PRKCA: variants seen among roughly 807,000 people sequenced by gnomAD.
The protein encoded by PRKCA is protein kinase C alpha type.
A neutral mutation model predicts 87.0 loss-of-function variants in PRKCA; 27 were observed. The observed-to-expected ratio is 0.31, with a 90% CI of 0.23 to 0.43. PRKCA has a LOEUF of 0.43. Among genes scored for constraint, PRKCA ranks in the 20% least tolerant of loss-of-function variants. The pLI, the probability that PRKCA is intolerant of heterozygous loss-of-function variation, is 1.00. For missense variants in PRKCA, 518 were observed against 852.3 expected (o/e 0.61, Z 4.88); for synonymous variants, 329 against 311.1 (o/e 1.06, Z -0.61).
chr17:66,805,969 A>T lies in PRKCA; in HGVS notation c.*1932A>T, dbSNP rs1427830138. The T allele has an allele frequency of 1.3e-5, 2 of 152,254 alleles. No individual in the cohort carries two copies. The highest frequency in any genetic ancestry group is 2.9e-5 in the Non-Finnish European group (2 of 68,062). 9.4% of individuals were successfully genotyped at this position (152,254 alleles called of 1,614,324 possible). A position where few individuals can be genotyped will look rare whatever the true frequency, so the allele number is the denominator to read the frequency against. ...CTCCAGCATGCACAAACTTCGTGAG[A>T]CCAACACAGCCGTGCCCTGCAGGCA... On this transcript the variant is annotated 3_prime_UTR_variant, in exon 17 of 17. Transcript: ENST00000413366.
chr17:66,540,285 G>C (rs745313019), intron 3 of PRKCA, among the ~76,000 whole-genome samples: 1 of 152,218 alleles, frequency 6.6e-6, no homozygotes, highest in Non-Finnish European at 1.5e-5. Context: ...GAGACAAAGG[G>C]TAACATTCAG....
In PRKCA at chr17:66,727,345, G is replaced by T. The variant is rs553591988; in HGVS notation, c.919-5343G>T. ...CTTTAAGGGGTGGGATATTCCTGAA[G>T]ATTCCCAGAAAAAGGTGGAGATTTC... is the stretch of plus-strand genomic sequence containing the variant. On this transcript the variant is annotated intron_variant, in intron 8 of 16. Coordinates refer to ENST00000413366, the MANE Select transcript of PRKCA (RefSeq NM_002737.3). Among the ~76,000 whole-genome samples the T allele has an allele frequency of 2.3e-4, 35 of 152,248 alleles. No individual in the cohort carries two copies. The South Asian group carries it at 5.0e-3, about 22-fold the overall frequency.
intron 1 of PRKCA, among the ~76,000 whole-genome samples, chr17:66,304,508 G>A (rs530640618): frequency 6.6e-6 from 1 of 152,146 alleles, no homozygotes; most frequent in Non-Finnish European, 1.5e-5. Flanking sequence ...AGGCCAGGGG[G>A]AGCTGCACAG....
chr17:66,383,636 T>A (rs1598628987), intron 2 of PRKCA, among the ~76,000 whole-genome samples: 1 of 152,196 alleles, frequency 6.6e-6, no homozygotes, highest in African/African-American at 2.4e-5. Flanking sequence ...TTCAACTTTC[T>A]TGGAGTACTT....
At chr17:66,426,638 T>A (rs1912823786) in intron 2 of PRKCA, among the ~76,000 whole-genome samples, 1 of 152,222 alleles carries the variant, frequency 6.6e-6, no homozygotes, top group African/African-American at 2.4e-5. Context: ...TTTGTTCAAC[T>A]GTCCAACCCT....
chr17:66,615,883 G>A (rs1331152619), intron 3 of PRKCA, among the ~76,000 whole-genome samples: 1 of 152,186 alleles, frequency 6.6e-6, no homozygotes, highest in Non-Finnish European at 1.5e-5. Context: ...AATCCCCCCA[G>A]CTCCCTTGCT....
chr17:66,462,925 AACAC>A (rs58085398), intron 2 of PRKCA, among the ~76,000 whole-genome samples: 7,720 of 147,542 alleles, frequency 0.052, 234 homozygotes, highest in Non-Finnish European at 0.06. Flanking sequence ...CACACATGCA[AACAC>A]ACACACACAC....
At chr17:66,361,764 G>T (rs892676043) in intron 2 of PRKCA, among the ~76,000 whole-genome samples, 1 of 152,212 alleles carries the variant, frequency 6.6e-6, no homozygotes. Context: ...AAGTAAATCA[G>T]ATGTACTTGT....
rs1474229305 is a variant in PRKCA at position 66,781,864 on chromosome 17, G to GATATATAT, written c.1606-5002_1606-5001insTATATATA. Among the ~76,000 whole-genome samples the GATATATAT allele has an allele frequency of 2.0e-4, 24 of 117,366 alleles. 1 individual carries two copies. Among genetic ancestry groups the GATATATAT allele is most frequent in the East Asian group, 7.1e-4 (3 of 4,230 alleles). 77.0% of individuals were successfully genotyped at this position (117,366 alleles called of 152,430 possible). A position where few individuals can be genotyped will look rare whatever the true frequency, so the allele number is the denominator to read the frequency against. On this transcript the variant is annotated intron_variant, in intron 14 of 16. Coordinates refer to ENST00000413366, the MANE Select transcript of PRKCA (RefSeq NM_002737.3). ...GTAAATTTTGTGAGAGAGAGAGAGAGAGAGATATATATATATATATATAGT... is the reference window on the plus strand; with the variant it reads ...GTAAATTTTGTGAGAGAGAGAGAGAGATATATATAGAGATATATATATATATATATAGT...
chr17:66,611,159 A>G (rs1329646238), intron 3 of PRKCA, among the ~76,000 whole-genome samples: 21 of 152,120 alleles, frequency 1.4e-4, no homozygotes, highest in Admixed American at 1.4e-3. Context: ...ATATCCCAGT[A>G]TTGCTTTATT....
intron 3 of PRKCA, among the ~76,000 whole-genome samples, chr17:66,611,628 A>G (rs1970367359): frequency 6.6e-6 from 1 of 152,220 alleles, no homozygotes; most frequent in Admixed American, 6.5e-5. Context: ...GCTATTGTGA[A>G]TAATTCTGCC....
chr17:66,746,139 T>G (rs895522205), intron 13 of PRKCA, among the ~76,000 whole-genome samples: 1 of 150,884 alleles, frequency 6.6e-6, no homozygotes, highest in Non-Finnish European at 1.5e-5. Flanking sequence ...TTGTTTCACC[T>G]TTTTTGTTGC....
intron 2 of PRKCA, among the ~76,000 whole-genome samples, chr17:66,434,771 A>G (rs1913285387): frequency 6.6e-6 from 1 of 152,184 alleles, no homozygotes; most frequent in Non-Finnish European, 1.5e-5. Context: ...CTGGGTTAGA[A>G]TGATAGCACC....
chr17:66,755,508 C>T (rs1366421922), intron 13 of PRKCA, among the ~76,000 whole-genome samples: 1 of 152,146 alleles, frequency 6.6e-6, no homozygotes, highest in African/African-American at 2.4e-5. Flanking sequence ...GGGCGAGACA[C>T]CACTGGTGAA....
intron 2 of PRKCA, among the ~76,000 whole-genome samples, chr17:66,392,272 CTT>C (rs1162319078): frequency 2.6e-5 from 4 of 151,622 alleles, no homozygotes; most frequent in African/African-American, 9.7e-5. Flanking sequence ...GGACTACGTG[CTT>C]TGGGAGTACA....
At chr17:66,469,755 G>A (rs73996229) in intron 2 of PRKCA, among the ~76,000 whole-genome samples, 9,704 of 152,196 alleles carry the variant, frequency 0.064, 1,028 homozygotes, top group African/African-American at 0.22. Flanking sequence ...TCTGAAGTGC[G>A]AACACAATCA....
At chr17:66,554,200 T>C (rs904783638) in intron 3 of PRKCA, among the ~76,000 whole-genome samples, 7 of 149,730 alleles carry the variant, frequency 4.7e-5, no homozygotes, top group Admixed American at 2.7e-4. Context: ...AGAATTGCTC[T>C]AGACCAGCTT....
chr17:66,347,029 T>TA (rs201832571), intron 2 of PRKCA, among the ~76,000 whole-genome samples: 26,149 of 139,548 alleles, frequency 0.19, 3,446 homozygotes, highest in African/African-American at 0.39. Flanking sequence ...AGACTCCATC[T>TA]AAAAAAAAAA....
In PRKCA at chr17:66,804,874, A is replaced by G. The variant is rs1975994082; in HGVS notation, c.*837A>G. On this transcript the variant is annotated 3_prime_UTR_variant, in exon 17 of 17. Coordinates refer to ENST00000413366, the MANE Select transcript of PRKCA (RefSeq NM_002737.3). ...TTTTTCCATCCAGGGTGCCATCAGT[A>G]ATCATGCCACTACTCACCAGTGTTG... The G allele has an allele frequency of 7.4e-6, 3 of 404,198 alleles. No individual in the cohort carries two copies. The highest frequency in any genetic ancestry group is 1.0e-5 in the Non-Finnish European group (3 of 298,694). 25.0% of individuals were successfully genotyped at this position (404,198 alleles called of 1,614,324 possible).
Sources: allele counts gnomAD v4.1 joint callset (sites outside exome capture counted in the v4.1 genomes callset), GRCh38; gene constraint gnomAD v4.1.1; transcripts MANE v1.5; gene names NCBI Gene and HGNC (gene_info 2026-07-23, HGNC 2026-07-21).